PTPRG: variants seen among roughly 807,000 people sequenced by gnomAD.
PTPRG encodes the protein receptor-type tyrosine-protein phosphatase gamma.
A neutral mutation model predicts 165.3 loss-of-function variants in PTPRG; 102 were observed. That is an observed-to-expected ratio of 0.62 (90% confidence interval 0.53 to 0.73). The LOEUF (loss-of-function observed/expected upper bound fraction) is 0.73. Ranked by LOEUF, PTPRG falls within the 30% of genes least tolerant of loss-of-function variation. The probability of loss-of-function intolerance (pLI) is 0.00; values close to 1 mark genes in which losing one functional copy is unlikely to be tolerated. For missense variants in PTPRG, 1,866 were observed against 1,861.4 expected, an observed-to-expected ratio of 1.00 and a Z score of -0.05; for synonymous variants, 675 against 669.5, an observed-to-expected ratio of 1.01 and a Z score of -0.13.
chr3:61,612,265 G>A (rs190891871), intron 1 of PTPRG, among the ~76,000 whole-genome samples: 2 of 152,272 alleles, frequency 1.3e-5, no homozygotes, highest in African/African-American at 4.8e-5. Flanking sequence ...CTTTTGATAA[G>A]CCCTGTTGCA....
Position 62,049,791 on chromosome 3 carries a change from C to T in PTPRG, c.520-28372C>T, listed in dbSNP as rs551820612. Among the ~76,000 whole-genome samples the T allele has an allele frequency of 9.2e-5, 14 of 152,284 alleles. 1 individual carries two copies. The South Asian group carries it at 2.7e-3, about 29-fold the overall frequency. ...AAGATATTACTGAGCTGTTGAGCTA[C>T]ATTCTGAAGGACACTAAAACTGCTT... On this transcript the variant is annotated intron_variant, in intron 4 of 29. Transcript: ENST00000474889.
At position 62,122,033 on chromosome 3, in the gene PTPRG, G is replaced by A. The variant is rs530978846; in HGVS notation, c.616-10569G>A. ...GTTAGCATTAATCTATGTCCTCCTC[G>A]AGATGGGGCTGGATTTTGTTTAGAC... is the stretch of plus-strand genomic sequence containing the variant. On this transcript the variant is annotated intron_variant, in intron 5 of 29. Coordinates refer to ENST00000474889, the MANE Select transcript of PTPRG (RefSeq NM_002841.4). Among the ~76,000 whole-genome samples the A allele has an allele frequency of 1.1e-4, 17 of 152,236 alleles. 1 individual carries two copies. In the South Asian group the frequency reaches 2.3e-3, roughly 20 times the overall value.
chr3:62,102,715 A>C (rs887039380), intron 5 of PTPRG, among the ~76,000 whole-genome samples: 3 of 152,036 alleles, frequency 2.0e-5, no homozygotes, highest in Non-Finnish European at 4.4e-5. Context: ...TGACCCCTGG[A>C]GAGGTCTGAG....
At chr3:61,874,845 A>G (rs1251952789) in intron 2 of PTPRG, among the ~76,000 whole-genome samples, 1 of 152,196 alleles carries the variant, frequency 6.6e-6, no homozygotes, top group Non-Finnish European at 1.5e-5. Context: ...CATACCCGTA[A>G]CTGAATTCCC....
At position 61,731,602 on chromosome 3, in the gene PTPRG, C is replaced by T. The variant is rs954879956; in HGVS notation, c.86-17276C>T. ...GACCTCGTGATCTGCCCACCTCGGC[C>T]TCCCAAAGTGCTGGGATTACAGGCG... On this transcript the variant is annotated intron_variant, in intron 1 of 29. Transcript: ENST00000474889. 7.2e-5 allele frequency among the ~76,000 whole-genome samples: 11 copies of T among 152,172 alleles called. No homozygotes were observed. The East Asian group carries it at 1.9e-3, about 27-fold the overall frequency.
At position 61,735,867 on chromosome 3, in the gene PTPRG, A is replaced by G. The variant is rs187996327; in HGVS notation, c.86-13011A>G. Among the ~76,000 whole-genome samples the G allele has an allele frequency of 3.2e-3, 482 of 151,480 alleles. 3 individuals carry two copies. Among genetic ancestry groups the G allele is most frequent in the South Asian group, 0.011 (52 of 4,796 alleles). On this transcript the variant is annotated intron_variant, in intron 1 of 29. Transcript: ENST00000474889. ...TTTTTAGAATTGTTTTGGGAGGCAG[A>G]GTTGAGGTTGAGGCCATGCTCACAT... is the stretch of plus-strand genomic sequence containing the variant.
At chr3:61,847,743 C>G (rs1284939457) in intron 2 of PTPRG, among the ~76,000 whole-genome samples, 2 of 151,978 alleles carry the variant, frequency 1.3e-5, no homozygotes, top group Non-Finnish European at 2.9e-5. Context: ...AATAAATGAT[C>G]TTTGAAAAAA....
At chr3:61,998,610 C>T (rs1419263507) in intron 3 of PTPRG, among the ~76,000 whole-genome samples, 1 of 152,196 alleles carries the variant, frequency 6.6e-6, no homozygotes, top group African/African-American at 2.4e-5. Flanking sequence ...GTGCCCCATG[C>T]TCAGAAATTT....
intron 1 of PTPRG, among the ~76,000 whole-genome samples, chr3:61,576,415 A>C (rs569584741): frequency 2.6e-5 from 4 of 152,336 alleles, no homozygotes; most frequent in South Asian, 4.2e-4. Context: ...ATTCAGTGAA[A>C]GTGAACAGCA....
chr3:62,019,807 T>A (rs1345752532), intron 4 of PTPRG, among the ~76,000 whole-genome samples: 1 of 152,200 alleles, frequency 6.6e-6, no homozygotes, highest in Non-Finnish European at 1.5e-5. Flanking sequence ...CAAAAACTCT[T>A]ACAATAATAA....
rs149947830 is a variant in PTPRG, at chr3:62,240,470, C to G, written c.2376-3337C>G. Among the ~76,000 whole-genome samples the G allele has an allele frequency of 7.3e-3, 1,119 of 152,334 alleles. 11 individuals carry two copies. The highest frequency in any genetic ancestry group is 0.011 in the Non-Finnish European group (760 of 68,026). ...TGTTCCATTTCTGCTGCCCTCTAAT[C>G]CATTCATCATGTAGCAGCCAAAATG... On this transcript the variant is annotated intron_variant, in intron 14 of 29. Coordinates refer to ENST00000474889, the MANE Select transcript of PTPRG (RefSeq NM_002841.4). The surrounding 1 kb of genome is among the most constrained non-coding windows in gnomAD (Gnocchi z 5.1).
intron 2 of PTPRG, among the ~76,000 whole-genome samples, chr3:61,981,501 T>G (rs2040643498): frequency 1.3e-5 from 2 of 152,326 alleles, no homozygotes; most frequent in South Asian, 4.1e-4. Flanking sequence ...ATATTAGTAT[T>G]TGGATGTGTG....
chr3:61,603,061 G>T (rs1227449640), intron 1 of PTPRG, among the ~76,000 whole-genome samples: 1 of 152,060 alleles, frequency 6.6e-6, no homozygotes, highest in African/African-American at 2.4e-5. Context: ...TCATTTTGGT[G>T]CTTTGAAATG....
intron 2 of PTPRG, among the ~76,000 whole-genome samples, chr3:61,909,699 T>TTTTTTTTTTTTTTTTTTTG (rs2038753469): frequency 2.6e-5 from 4 of 152,146 alleles, no homozygotes; most frequent in African/African-American, 9.7e-5. Context: ...ACTGAAGTTT[T>TTTTTTTTTTTTTTTTTTTG]AAAATCTGTA....
intron 1 of PTPRG, among the ~76,000 whole-genome samples, chr3:61,672,566 GA>G (rs2107077650): frequency 8.8e-6 from 1 of 113,040 alleles, no homozygotes; most frequent in African/African-American, 3.2e-5. Context: ...AAAAAAATAA[GA>G]AAACCAGTCA....
intron 6 of PTPRG, among the ~76,000 whole-genome samples, chr3:62,138,714 CAAAAAAAA>C (rs563632840): frequency 2.2e-5 from 2 of 91,388 alleles, no homozygotes; most frequent in Admixed American, 2.8e-4. Context: ...GGCAAAGCTC[CAAAAAAAA>C]AAAAAAAAAA....
chr3:61,743,431 C>T (rs1040710164), intron 1 of PTPRG, among the ~76,000 whole-genome samples: 3 of 152,188 alleles, frequency 2.0e-5, no homozygotes, highest in Non-Finnish European at 4.4e-5. Context: ...CCTTTCTAAA[C>T]CCATTTCATT....
At chr3:61,601,546 C>A (rs1296540206) in intron 1 of PTPRG, among the ~76,000 whole-genome samples, 1 of 152,114 alleles carries the variant, frequency 6.6e-6, no homozygotes, top group Non-Finnish European at 1.5e-5. Flanking sequence ...TCAACAAAAA[C>A]AAAAACGATG....
At position 62,160,836 on chromosome 3, in the gene PTPRG, A is replaced by G. The variant is rs146474279; in HGVS notation, c.840+3612A>G. Reference sequence around the variant, plus strand: ...AAAGGCAATAAATAAGTCTGACTGCATCTACTTTGTTTACCTTTAGATGTG... The same window carrying G: ...AAAGGCAATAAATAAGTCTGACTGCGTCTACTTTGTTTACCTTTAGATGTG... On this transcript the variant is annotated intron_variant, in intron 7 of 29. Transcript: ENST00000474889. Among the ~76,000 whole-genome samples the G allele has an allele frequency of 5.2e-3, 759 of 144,592 alleles. 6 individuals carry two copies. Among genetic ancestry groups the G allele is most frequent in the African/African-American group, 0.019 (730 of 38,202 alleles). The allele number at this position is 144,592 out of a possible 152,430, so 94.9% of individuals were successfully genotyped here.
Sources: gnomAD v4.1 joint callset for allele counts (sites outside exome capture counted in the v4.1 genomes callset) on GRCh38, gnomAD v4.1.1 for gene constraint, Gnocchi (gnomAD v3.1) non-coding constraint, MANE v1.5 for transcripts, NCBI Gene and HGNC (gene_info 2026-07-23, HGNC 2026-07-21) for gene names.